ST3GAL4: variants seen among roughly 807,000 people sequenced by gnomAD.
The protein encoded by ST3GAL4 is ST3 beta-galactoside alpha-2,3-sialyltransferase 4, also known as CMP-N-acetylneuraminate-beta-galactosamide-alpha-2,3-sialyltransferase 4.
Under a neutral mutation model 42.6 loss-of-function variants are expected in ST3GAL4, and 24 were observed. That is an observed-to-expected ratio of 0.56 (90% CI 0.41 to 0.79). The LOEUF is 0.79. ST3GAL4 is among the 30% of genes least tolerant of loss of function. ST3GAL4 has a pLI of 0.00. For missense variants in ST3GAL4, 311 were observed against 430.8 expected (o/e 0.72, Z 2.46); for synonymous variants, 135 against 163.2 (o/e 0.83, Z 1.32).
At position 126,400,535 on chromosome 11, in the gene ST3GAL4, G is replaced by A. The variant is rs1376206662; in HGVS notation, c.-60-5561G>A. Reference sequence around the variant, plus strand: ...GTGGCTCCCTTAGTGTGCTTGGGAGGAGGGTAAGAGATGCGTTTGCAGTTC... The same window carrying A: ...GTGGCTCCCTTAGTGTGCTTGGGAGAAGGGTAAGAGATGCGTTTGCAGTTC... On this transcript the variant is annotated intron_variant, in intron 1 of 10. Coordinates refer to ENST00000444328, the MANE Select transcript of ST3GAL4 (RefSeq NM_001254757.2). This position sits in a 1 kb window ranked among gnomAD's most constrained non-coding sequence, Gnocchi z 4.6. 1.3e-5 allele frequency among the ~76,000 whole-genome samples: 2 copies of A among 152,198 alleles called. No homozygotes were observed. The highest frequency in any genetic ancestry group is 2.9e-5 in the Non-Finnish European group (2 of 68,040).
intron 1 of ST3GAL4, among the ~76,000 whole-genome samples, chr11:126,367,429 G>A (rs1283084790): frequency 6.6e-6 from 1 of 152,150 alleles, no homozygotes; most frequent in Non-Finnish European, 1.5e-5. Flanking sequence ...AGTGGTGGGG[G>A]CAGTGGCTGA....
rs1466285164 is a variant in ST3GAL4, at chr11:126,411,120, AAGG to A, written c.771+1715_771+1717del. ...CCAGCTCCTGGCAGTGGGAAGGGAA[AAGG>A]AGGAGATGGACTCAACATTGTGTTG... On this transcript the variant is annotated intron_variant, in intron 9 of 10. Coordinates refer to ENST00000444328, the MANE Select transcript of ST3GAL4 (RefSeq NM_001254757.2). The surrounding 1 kb of genome is among the most constrained non-coding windows in gnomAD (Gnocchi z 6.3). Among the ~76,000 whole-genome samples the A allele has an allele frequency of 1.3e-5, 2 of 151,468 alleles. No homozygotes were observed.
rs1952827260 is a variant in ST3GAL4, at chr11:126,376,147, G to A, written c.-61+20305G>A. Among the ~76,000 whole-genome samples, 3 of 152,104 alleles carry A rather than the reference G, an allele frequency of 2.0e-5. 1 individual carries two copies. The highest frequency in any genetic ancestry group is 6.5e-5 in the Admixed American group (1 of 15,272). Reference sequence around the variant, plus strand: ...TAATACGAAATTACATTATATCATAGAGCATATTCTATAGTAAGTTACTCC... The same window carrying A: ...TAATACGAAATTACATTATATCATAAAGCATATTCTATAGTAAGTTACTCC... On this transcript the variant is annotated intron_variant, in intron 1 of 10. Transcript: ENST00000444328. This position sits in a 1 kb window ranked among gnomAD's most constrained non-coding sequence, Gnocchi z 5.1.
intron 1 of ST3GAL4, among the ~76,000 whole-genome samples, chr11:126,356,924 C>T (rs971439689): frequency 6.6e-6 from 1 of 152,230 alleles, no homozygotes; most frequent in Non-Finnish European, 1.5e-5. Context: ...TCCACCTCCT[C>T]TAGGTCCTGG....
At position 126,411,973 on chromosome 11, in the gene ST3GAL4, G is replaced by A. The variant is rs991335613; in HGVS notation, c.772-1532G>A. Among the ~76,000 whole-genome samples, 3 of 152,108 alleles carry A rather than the reference G, an allele frequency of 2.0e-5. No individual in the cohort carries two copies. Among genetic ancestry groups the A allele is most frequent in the Non-Finnish European group, 4.4e-5 (3 of 68,038 alleles). ...TCATATTCACGGGCTCCCCACACGC[G>A]CAAGGGAGGAGATTACATGAGGGTT... On this transcript the variant is annotated intron_variant, in intron 9 of 10. Transcript: ENST00000444328. The surrounding 1 kb of genome is among the most constrained non-coding windows in gnomAD (Gnocchi z 6.3).
Position 126,386,064 on chromosome 11 carries a change from C to T in ST3GAL4, c.-60-20032C>T, listed in dbSNP as rs1014503689. On this transcript the variant is annotated intron_variant, in intron 1 of 10. Coordinates refer to ENST00000444328, the MANE Select transcript of ST3GAL4 (RefSeq NM_001254757.2). The surrounding 1 kb of genome is among the most constrained non-coding windows in gnomAD (Gnocchi z 4.7). ...CCCAGCCAGCTCAGAGTCTTGGGCA[C>T]TTCTCTCAGTCTGGAACCTTCTCTT... Among the ~76,000 whole-genome samples the T allele has an allele frequency of 7.9e-5, 12 of 152,290 alleles. No individual in the cohort carries two copies. Among genetic ancestry groups the T allele is most frequent in the African/African-American group, 2.9e-4 (12 of 41,560 alleles).
rs1156601818 is a variant in ST3GAL4, at chr11:126,380,923, G to A, written c.-61+25081G>A. ...ACCATATCCAGGTGAGCACACAACA[G>A]CCTTTTGGGCTTGGGCTGATGCGTG... is the stretch of plus-strand genomic sequence containing the variant. On this transcript the variant is annotated intron_variant, in intron 1 of 10. Transcript: ENST00000444328. 2.6e-5 allele frequency among the ~76,000 whole-genome samples: 4 copies of A among 152,224 alleles called. No homozygotes were observed. The East Asian group carries it at 7.7e-4, about 29-fold the overall frequency.
At chr11:126,361,066 G>C (rs914179660) in intron 1 of ST3GAL4, among the ~76,000 whole-genome samples, 4 of 152,136 alleles carry the variant, frequency 2.6e-5, no homozygotes, top group Non-Finnish European at 5.9e-5. Flanking sequence ...CCCACCACAG[G>C]GTCGGCTGGC....
In ST3GAL4 at chr11:126,406,244, C is replaced by T; in HGVS notation, c.16+73C>T. 6.4e-7 allele frequency: 1 copy of T among 1,550,640 alleles called. No individual in the cohort carries two copies. The highest frequency in any genetic ancestry group is 8.7e-7 in the Non-Finnish European group (1 of 1,147,332). On this transcript the variant is annotated intron_variant, in intron 2 of 10. Transcript: ENST00000444328. This position sits in a 1 kb window ranked among gnomAD's most constrained non-coding sequence, Gnocchi z 5.4. ...AGCCGTCTTCAGCAGGATCCTGGGA[C>T]CTCTGGGGGCTGTGGAGGGACAGAC...
chr11:126,390,629 T>TTTTTTTTTTTTTTTTTTTTTA (rs1953469599), intron 1 of ST3GAL4, among the ~76,000 whole-genome samples: 1 of 151,208 alleles, frequency 6.6e-6, no homozygotes, highest in African/African-American at 2.4e-5. Context: ...TTTTTTTTTT[T>TTTTTTTTTTTTTTTTTTTTTA]TTTTTTTTAT....
rs1954261433 is a variant in ST3GAL4 at position 126,406,947 on chromosome 11, T to C, written c.106T>C (p.Tyr36His). The C allele has an allele frequency of 1.9e-6, 3 of 1,614,046 alleles. No individual in the cohort carries two copies. The highest frequency in any genetic ancestry group is 4.5e-5 in the East Asian group (2 of 44,878). The stretch of plus-strand genomic sequence containing the variant: ...CCTGTCCTTTTTTCTCTCCAGTTTT[T>C]ATTTTCCCATCCCAGAGAAGAAGGA... ...SREDRYIELF[Y>H]FPIPEKKEPC... Residue 36 changes from tyrosine (Y) to histidine (H), a missense_variant, in exon 4 of 11, where the codon TAT (tyrosine) becomes CAT (histidine). Coordinates refer to ENST00000444328, the MANE Select transcript of ST3GAL4 (RefSeq NM_001254757.2). This position sits in a 1 kb window ranked among gnomAD's most constrained non-coding sequence, Gnocchi z 5.4.
At chr11:126,357,902 A>G (rs1565388177) in intron 1 of ST3GAL4, among the ~76,000 whole-genome samples, 1 of 152,210 alleles carries the variant, frequency 6.6e-6, no homozygotes, top group Non-Finnish European at 1.5e-5. Flanking sequence ...CATCTGTTGG[A>G]GGGAAGGGAT....
Position 126,413,944 on chromosome 11 carries a change from C to T in ST3GAL4, c.916-17C>T. The T allele has an allele frequency of 6.2e-7, 1 of 1,614,070 alleles. No individual in the cohort carries two copies. Among genetic ancestry groups the T allele is most frequent in the Non-Finnish European group, 8.5e-7 (1 of 1,179,910 alleles). ...CCCTGGGAGTCCCTCAGTTTATTTC[C>T]TTGGCTGTCTCCACAGGGGTCAGGC... On this transcript the variant is annotated splice_polypyrimidine_tract_variant and intron_variant, in intron 10 of 10. Transcript: ENST00000444328.
intron 1 of ST3GAL4, among the ~76,000 whole-genome samples, chr11:126,389,075 G>A (rs1953367085): frequency 6.6e-6 from 1 of 152,040 alleles, no homozygotes; most frequent in African/African-American, 2.4e-5. Flanking sequence ...ACCGCTCCCC[G>A]GCTCAGTTGT....
At position 126,395,642 on chromosome 11, in the gene ST3GAL4, TCTC is replaced by T. The variant is rs138725006; in HGVS notation, c.-60-10451_-60-10449del. Among the ~76,000 whole-genome samples the T allele has an allele frequency of 5.1e-3, 772 of 152,204 alleles. 7 individuals are homozygous for T. The highest frequency in any genetic ancestry group is 0.018 in the African/African-American group (745 of 41,512). ...ATGGTGGTGTTCTCCCCCAAGTTGT[TCTC>T]CTGGTAGTAAGTGTCAGGTGAGCCG... On this transcript the variant is annotated intron_variant, in intron 1 of 10. Transcript: ENST00000444328.
intron 1 of ST3GAL4, among the ~76,000 whole-genome samples, chr11:126,404,830 G>A (rs1029065416): frequency 1.1e-4 from 17 of 152,254 alleles, no homozygotes; most frequent in African/African-American, 4.1e-4. Context: ...TGGGTTCAGA[G>A]CAGAGCCTGG....
chr11:126,412,001 C>T (rs1042516347), intron 9 of ST3GAL4, among the ~76,000 whole-genome samples: 1 of 152,106 alleles, frequency 6.6e-6, no homozygotes, highest in African/African-American at 2.4e-5. Context: ...TGAGGGTTAG[C>T]GTCACTGGGG....
rs190610517 is a variant in ST3GAL4, at chr11:126,386,212, G to A, written c.-60-19884G>A. On this transcript the variant is annotated intron_variant, in intron 1 of 10. Transcript: ENST00000444328. This position sits in a 1 kb window ranked among gnomAD's most constrained non-coding sequence, Gnocchi z 4.7. ...GGTGGCCCTCACTCTCTGCCCCTGT[G>A]CCCTGTGTTAGTGGTCCTGTGGTTG... 4.6e-5 allele frequency among the ~76,000 whole-genome samples: 7 copies of A among 152,252 alleles called. No homozygotes were observed. The highest frequency in any genetic ancestry group is 8.8e-5 in the Non-Finnish European group (6 of 68,012).
intron 1 of ST3GAL4, chr11:126,358,514 G>A (rs1468298285): frequency 2.2e-6 from 1 of 454,106 alleles, no homozygotes; most frequent in Middle Eastern, 3.3e-4. Flanking sequence ...GGAGGGAGGT[G>A]TGTGAATGAT....
Sources: allele counts gnomAD v4.1 joint callset (sites outside exome capture counted in the v4.1 genomes callset), GRCh38; gene constraint gnomAD v4.1.1; non-coding constraint Gnocchi (gnomAD v3.1); transcripts MANE v1.5; gene names NCBI Gene and HGNC (gene_info 2026-07-23, HGNC 2026-07-21).